The following SLC5A4 variants were observed in gnomAD, a reference collection of about 807,000 sequenced individuals.
The protein encoded by SLC5A4 is solute carrier family 5 member 4.
Under a neutral mutation model 70.3 loss-of-function variants are expected in SLC5A4, and 55 were observed. The ratio of observed to expected loss-of-function variants is 0.78; its 90% CI spans 0.63 to 0.98. The LOEUF is 0.98. Ranked by LOEUF, SLC5A4 falls within the 50% of genes least tolerant of loss-of-function variation. The probability of loss-of-function intolerance (pLI) is 0.00; values close to 1 mark genes in which losing one functional copy is unlikely to be tolerated. For missense variants in SLC5A4, 735 were observed against 839.2 expected, an observed-to-expected ratio of 0.88 and a Z score of 1.53; for synonymous variants, 268 against 305.7, an observed-to-expected ratio of 0.88 and a Z score of 1.29.
chr22:32,293,670 G>A, the SLC5A4 span, among the ~76,000 whole-genome samples: 1 of 152,106 alleles, frequency 6.6e-6, no homozygotes, highest in Admixed American at 6.5e-5. Flanking sequence ...TCTTTATTTA[G>A]ATTTGCCCCA....
the SLC5A4 span, among the ~76,000 whole-genome samples, chr22:32,296,981 GC>G: frequency 2.9e-5 from 4 of 137,858 alleles, no homozygotes; most frequent in East Asian, 8.7e-4. Context: ...TATTGAACCA[GC>G]CTTGCATCCC....
upstream of SLC5A4, among the ~76,000 whole-genome samples, chr22:32,257,812 C>T (rs560193386): frequency 1.7e-4 from 25 of 149,494 alleles, no homozygotes; most frequent in African/African-American, 6.2e-4. Context: ...ATTACAGAAA[C>T]ACACCACCAT....
At chr22:32,334,497 T>C in the SLC5A4 span, among the ~76,000 whole-genome samples, 1 of 152,040 alleles carries the variant, frequency 6.6e-6, no homozygotes. Context: ...AGTGATGGCC[T>C]CCCCCCGGGC....
intron 6 of SLC5A4, among the ~76,000 whole-genome samples, chr22:32,238,430 T>C (rs753611266): frequency 5.3e-5 from 8 of 152,166 alleles, no homozygotes; most frequent in Non-Finnish European, 1.2e-4. Flanking sequence ...CCTTACGTCT[T>C]CCAACTCAGC....
the SLC5A4 span, among the ~76,000 whole-genome samples, chr22:32,264,639 A>G: frequency 6.6e-6 from 1 of 152,210 alleles, no homozygotes; most frequent in Non-Finnish European, 1.5e-5. Context: ...AAAGTCCTAA[A>G]AAAGAAATAA....
At chr22:32,260,353 C>A in the SLC5A4 span, among the ~76,000 whole-genome samples, 118 of 152,178 alleles carry the variant, frequency 7.8e-4, no homozygotes, top group South Asian at 1.7e-3. Context: ...AGCAGTCACT[C>A]CCCCCAGCCG....
At chr22:32,247,633 G>T in intron 4 of SLC5A4, 118 bp from the exon 5 acceptor site, 1 of 695,108 alleles carries the variant, frequency 1.4e-6, no homozygotes, top group Non-Finnish European at 2.6e-6. Context: ...CCTTCCTGGT[G>T]ATGGAACCAT....
chr22:32,234,925 C>T lies in SLC5A4; in HGVS notation c.833G>A (p.Gly278Glu). ...TGTAATGGGCATTCCAAATATAATT[C>T]CTGGCCATGGAATGTCCCCAGTCAC... ...DAVTGDIPWPGIIFGMPITAL... is the reference protein window; with the variant it reads ...DAVTGDIPWPEIIFGMPITAL... Residue 278 changes from glycine (G) to glutamate (E), a missense_variant, in exon 8 of 15, where the codon GGA becomes GAA. By Grantham distance (98) the Gly-to-Glu change is moderately conservative (BLOSUM62 -2). Coordinates refer to ENST00000266086, the MANE Select transcript of SLC5A4 (RefSeq NM_014227.3). 2 of 1,613,014 alleles carry T rather than the reference C, an allele frequency of 1.2e-6. No homozygotes were observed. Among genetic ancestry groups the T allele is most frequent in the East Asian group, 2.2e-5 (1 of 44,886 alleles).
At chr22:32,313,376 T>TC in the SLC5A4 span, among the ~76,000 whole-genome samples, 1 of 152,192 alleles carries the variant, frequency 6.6e-6, no homozygotes, top group Non-Finnish European at 1.5e-5. Flanking sequence ...AATTATACTG[T>TC]CACCCTTGCT....
chr22:32,335,972 C>G, the SLC5A4 span, among the ~76,000 whole-genome samples: 2 of 152,326 alleles, frequency 1.3e-5, no homozygotes, highest in East Asian at 3.9e-4. Context: ...GCAGTTCCAA[C>G]AAGCATCTAT....
chr22:32,332,292 C>A, the SLC5A4 span, among the ~76,000 whole-genome samples: 1 of 152,258 alleles, frequency 6.6e-6, no homozygotes, highest in African/African-American at 2.4e-5. Context: ...CACCCGTCCC[C>A]TCCTGCACTT....
the SLC5A4 span, among the ~76,000 whole-genome samples, chr22:32,309,330 T>A: frequency 6.6e-6 from 1 of 152,232 alleles, no homozygotes. Context: ...CAAAGCAGCC[T>A]CGAATGCAGA....
Position 32,218,627 on chromosome 22 carries a change from AG to A in SLC5A4, c.1866del (p.Leu623Ter). 1 of 1,613,860 alleles carries A rather than the reference AG, an allele frequency of 6.2e-7. No homozygotes were observed. Among genetic ancestry groups the A allele is most frequent in the African/African-American group, 1.3e-5 (1 of 74,976 alleles). On this transcript the variant is annotated frameshift_variant, in exon 15 of 15. Coordinates refer to ENST00000266086, the MANE Select transcript of SLC5A4 (RefSeq NM_014227.3). LOFTEE classifies it low-confidence loss of function (END_TRUNC). Reference sequence around the variant, plus strand: ...GACGTGTCTGTGAGCTTCTTGCTCAAGGCTTCCTCCTCCTCCTTGGTTAGCT... The same window carrying A: ...GACGTGTCTGTGAGCTTCTTGCTCAAGCTTCCTCCTCCTCCTTGGTTAGCT... ...GPKLTKEEEE[A>X]LSKKLTDTSE...
the SLC5A4 span, among the ~76,000 whole-genome samples, chr22:32,301,247 C>T: frequency 0.068 from 10,317 of 152,232 alleles, 595 homozygotes; most frequent in African/African-American, 0.16. Flanking sequence ...AGGAGTAAGC[C>T]GCCACGCCCA....
chr22:32,230,334 C>A (rs1235023160), intron 10 of SLC5A4, among the ~76,000 whole-genome samples: 2 of 152,142 alleles, frequency 1.3e-5, no homozygotes, highest in African/African-American at 4.8e-5. Context: ...TTTCTGTTCA[C>A]CACAGCAATG....
chr22:32,297,733 T>TAA, the SLC5A4 span, among the ~76,000 whole-genome samples: 13 of 122,270 alleles, frequency 1.1e-4, no homozygotes, highest in African/African-American at 3.9e-4. Context: ...CTAGTTCTTT[T>TAA]AATTGTGATT....
At chr22:32,244,522 A>G (rs1292900067) in intron 5 of SLC5A4, among the ~76,000 whole-genome samples, 1 of 152,174 alleles carries the variant, frequency 6.6e-6, no homozygotes, top group Non-Finnish European at 1.5e-5. Flanking sequence ...TAAGTAGTTG[A>G]CATATTATCA....
chr22:32,351,180 TG>T, the SLC5A4 span, among the ~76,000 whole-genome samples: 1 of 152,170 alleles, frequency 6.6e-6, no homozygotes, highest in African/African-American at 2.4e-5. Flanking sequence ...TCTCATACAC[TG>T]GAACTTATTA....
At chr22:32,300,868 A>T in the SLC5A4 span, among the ~76,000 whole-genome samples, 1 of 152,312 alleles carries the variant, frequency 6.6e-6, no homozygotes, top group Admixed American at 6.5e-5. Flanking sequence ...AGTTGCCATA[A>T]ACATTATTTA....
Sources: allele counts gnomAD v4.1 joint callset (sites outside exome capture counted in the v4.1 genomes callset), GRCh38; gene constraint gnomAD v4.1.1; transcripts MANE v1.5; gene names NCBI Gene and HGNC (gene_info 2026-07-23, HGNC 2026-07-21).